Variants in HMGB1 observed in about 807,000 individuals in gnomAD.
HMGB1 encodes the protein high mobility group protein B1.
For synonymous variants in HMGB1, 81 were observed against 84.0 expected, an observed-to-expected ratio of 0.96 and a Z score of 0.19; for missense variants, 79 against 253.5, an observed-to-expected ratio of 0.31 and a Z score of 4.67.
chr13:30,553,119 A>G (rs988285605), intron 1 of HMGB1, among the ~76,000 whole-genome samples: 2 of 152,222 alleles, frequency 1.3e-5, no homozygotes, highest in Non-Finnish European at 2.9e-5. Flanking sequence ...GATGCATGTT[A>G]AAAGGTTCCT....
intron 1 of HMGB1, among the ~76,000 whole-genome samples, chr13:30,511,642 A>G (rs1392750038): frequency 6.6e-6 from 1 of 152,178 alleles, no homozygotes; most frequent in Non-Finnish European, 1.5e-5. Context: ...TGAAATGTCT[A>G]TTGAACGCAG....
In HMGB1 at chr13:30,614,594, A is replaced by T. The variant is rs542525820; in HGVS notation, c.-15+2077T>A. ...AGCAGAAGAGATGGGATTAGATGTC[A>T]GATATTCCAGTATCAACTTTAGACT... On this transcript the variant is annotated intron_variant, in intron 1 of 4. Coordinates refer to the HMGB1 transcript ENST00000405805. Among the ~76,000 whole-genome samples the T allele has an allele frequency of 2.6e-5, 4 of 152,380 alleles. No homozygotes were observed. The East Asian group carries it at 7.7e-4, about 29-fold the overall frequency.
At chr13:30,462,445 G>T in intron 4 of HMGB1, 93 bp downstream of exon 4, 1 of 962,938 alleles carries the variant, frequency 1.0e-6, no homozygotes, top group Non-Finnish European at 1.7e-6. Flanking sequence ...TAATGTAGCT[G>T]TTACCCTAAA....
intron 1 of HMGB1, among the ~76,000 whole-genome samples, chr13:30,555,284 G>A (rs1389269497): frequency 6.6e-6 from 1 of 151,882 alleles, no homozygotes; most frequent in Admixed American, 6.6e-5. Flanking sequence ...CTCGTGATCC[G>A]CCCGCCTCGG....
intron 1 of HMGB1, among the ~76,000 whole-genome samples, chr13:30,471,194 A>G (rs1886917638): frequency 6.7e-6 from 1 of 148,884 alleles, no homozygotes; most frequent in South Asian, 2.1e-4. Flanking sequence ...CCGGTCTTGA[A>G]CTCCTGACCT....
chr13:30,494,608 G>A (rs1249681106), intron 1 of HMGB1, among the ~76,000 whole-genome samples: 2 of 152,190 alleles, frequency 1.3e-5, no homozygotes, highest in Admixed American at 6.5e-5. Flanking sequence ...TGATCCGCCC[G>A]CCTTGGCCTT....
Position 30,500,422 on chromosome 13 carries a change from T to C in HMGB1, c.-14-36728A>G, listed in dbSNP as rs138472216. 3.7e-3 allele frequency among the ~76,000 whole-genome samples: 570 copies of C among 152,178 alleles called. 5 individuals are homozygous for C. The highest frequency in any genetic ancestry group is 0.013 in the African/African-American group (553 of 41,498). ...TCCCATTCTGTTGCTCAGGCTGGAG[T>C]GCAGTGGTGCAATCATGGCTCACCT... On this transcript the variant is annotated intron_variant, in intron 1 of 4. Transcript: ENST00000405805.
intron 1 of HMGB1, chr13:30,554,277 G>C (rs1869573120): frequency 1.5e-6 from 2 of 1,328,434 alleles, no homozygotes; most frequent in Non-Finnish European, 2.2e-6. Flanking sequence ...AGAGAATCTG[G>C]CTCCTTGAAC....
rs1886204913 is a variant in HMGB1 at position 30,459,945 on chromosome 13, G to A, written c.*1412C>T. 1 of 152,556 alleles carries A rather than the reference G, an allele frequency of 6.6e-6. No homozygotes were observed. The highest frequency in any genetic ancestry group is 1.5e-5 in the Non-Finnish European group (1 of 68,000). 9.5% of individuals were successfully genotyped at this position (152,556 alleles called of 1,614,324 possible). A position where few individuals can be genotyped will look rare whatever the true frequency, so the allele number is the denominator to read the frequency against. On this transcript the variant is annotated 3_prime_UTR_variant, in exon 5 of 5. Transcript: ENST00000341423. ...TTACATAAACAAATGCAAATGGAAA[G>A]AATCCAAGTCTAAATTATATAACAA...
At chr13:30,465,321 C>A (rs1229374337) in intron 1 of HMGB1, 1 of 139,392 alleles carries the variant, frequency 7.2e-6, no homozygotes, top group East Asian at 2.2e-4. Flanking sequence ...GCCGCGCTCC[C>A]CGCCAGCGCC....
intron 1 of HMGB1, among the ~76,000 whole-genome samples, chr13:30,486,323 G>C (rs183102985): frequency 6.6e-6 from 1 of 152,296 alleles, no homozygotes; most frequent in African/African-American, 2.4e-5. Context: ...TCACTTTGCT[G>C]CATTCCCTTA....
At chr13:30,554,549 A>T in intron 1 of HMGB1, 1 of 798,976 alleles carries the variant, frequency 1.3e-6, no homozygotes, top group South Asian at 1.4e-5. Flanking sequence ...AGAATTTTCT[A>T]AGGAAAACTT....
chr13:30,594,337 C>T (rs1871508332), intron 1 of HMGB1, among the ~76,000 whole-genome samples: 1 of 152,126 alleles, frequency 6.6e-6, no homozygotes, highest in Non-Finnish European at 1.5e-5. Flanking sequence ...GAACACAGTA[C>T]CCAGCACGCA....
At chr13:30,540,278 C>A in intron 1 of HMGB1, 1 of 169,586 alleles carries the variant, frequency 5.9e-6, no homozygotes, top group Non-Finnish European at 1.3e-5. Context: ...TGACACTCTC[C>A]TTTCACCTAG....
intron 1 of HMGB1, among the ~76,000 whole-genome samples, chr13:30,560,511 G>A (rs1370950875): frequency 1.3e-5 from 2 of 152,206 alleles, no homozygotes; most frequent in Non-Finnish European, 2.9e-5. Flanking sequence ...AATTAGGTCA[G>A]TAGCTAGAAG....
At chr13:30,528,890 G>T (rs546148565) in intron 1 of HMGB1, among the ~76,000 whole-genome samples, 1 of 151,998 alleles carries the variant, frequency 6.6e-6, no homozygotes, top group Admixed American at 6.6e-5. Flanking sequence ...TTAGCCAGGC[G>T]TGGTGGCGGG....
chr13:30,610,207 T>C (rs1437092369), intron 1 of HMGB1, among the ~76,000 whole-genome samples: 1 of 151,522 alleles, frequency 6.6e-6, no homozygotes, highest in Non-Finnish European at 1.5e-5. Flanking sequence ...CAGTCATCAG[T>C]GGGCTATTAG....
chr13:30,569,349 T>G (rs572576052), intron 1 of HMGB1, among the ~76,000 whole-genome samples: 1 of 152,248 alleles, frequency 6.6e-6, no homozygotes, highest in African/African-American at 2.4e-5. Context: ...CTAGAGATTA[T>G]GTCTTTATAT....
chr13:30,612,050 T>C (rs774366348), intron 1 of HMGB1, among the ~76,000 whole-genome samples: 17 of 152,134 alleles, frequency 1.1e-4, no homozygotes, highest in Non-Finnish European at 2.5e-4. Flanking sequence ...ATATGCACTA[T>C]GTACTAGGCA....
Sources: allele counts gnomAD v4.1 joint callset (sites outside exome capture counted in the v4.1 genomes callset), GRCh38; gene constraint gnomAD v4.1.1; transcripts MANE v1.5; gene names NCBI Gene and HGNC (gene_info 2026-07-23, HGNC 2026-07-21).